Variants in CCDC91 observed in about 807,000 individuals in gnomAD.
The protein encoded by CCDC91 is coiled-coil domain-containing protein 91.
A neutral mutation model predicts 63.2 loss-of-function variants in CCDC91; 48 were observed. That is an observed-to-expected ratio of 0.76 (90% CI 0.60 to 0.97). The LOEUF is 0.97. CCDC91 is among the 50% of genes least tolerant of loss of function. The pLI is 0.00. For missense variants in CCDC91, 500 were observed against 494.6 expected (o/e 1.01, Z -0.10); for synonymous variants, 167 against 165.8 (o/e 1.01, Z -0.06).
chr12:28,497,964 A>G lies in CCDC91; in HGVS notation c.1215+13799A>G, dbSNP rs76784200. Among the ~76,000 whole-genome samples the G allele has an allele frequency of 2.2e-3, 337 of 151,552 alleles. 3 individuals are homozygous for G. Among genetic ancestry groups the G allele is most frequent in the African/African-American group, 7.7e-3 (319 of 41,406 alleles). ...TCACATTTCCCTTTCCTTATGTATC[A>G]TGTGTTGAAAATGAAAATATCTTGT... On this transcript the variant is annotated intron_variant, in intron 12 of 12. Transcript: ENST00000536442.
At chr12:28,446,295 T>C (rs1198053341) in intron 8 of CCDC91, among the ~76,000 whole-genome samples, 1 of 152,208 alleles carries the variant, frequency 6.6e-6, no homozygotes, top group Non-Finnish European at 1.5e-5. Context: ...TTGTGGCTAT[T>C]GTGAAGCTTA....
chr12:28,457,647 G>C (rs575478573), intron 11 of CCDC91, among the ~76,000 whole-genome samples: 2 of 151,682 alleles, frequency 1.3e-5, no homozygotes, highest in African/African-American at 2.4e-5. Context: ...GAGTACCTAA[G>C]GATTGTGGTA....
At chr12:28,413,071 CAAAA>C (rs1205240605) in intron 8 of CCDC91, 1 of 182,024 alleles carries the variant, frequency 5.5e-6, no homozygotes, top group Admixed American at 6.1e-5. Context: ...TCTAGAGACT[CAAAA>C]AAGTCCTTTT....
intron 3 of CCDC91, among the ~76,000 whole-genome samples, chr12:28,275,813 C>T (rs1461098451): frequency 6.6e-6 from 1 of 152,050 alleles, no homozygotes. Flanking sequence ...AAGGCTGTTT[C>T]AACATATGCA....
At chr12:28,192,283 T>C (rs770770696) in intron 1 of CCDC91, among the ~76,000 whole-genome samples, 6 of 152,216 alleles carry the variant, frequency 3.9e-5, no homozygotes, top group Non-Finnish European at 7.3e-5. Flanking sequence ...TGTACTCTTA[T>C]CTATATGTGT....
chr12:28,491,507 G>A (rs1041301662), intron 12 of CCDC91, among the ~76,000 whole-genome samples: 6 of 151,722 alleles, frequency 4.0e-5, no homozygotes, highest in Admixed American at 2.6e-4. Context: ...ATGCATTATG[G>A]TGACAACAAT....
chr12:28,345,752 T>A (rs1250221484), intron 6 of CCDC91, among the ~76,000 whole-genome samples: 2 of 152,252 alleles, frequency 1.3e-5, no homozygotes, highest in East Asian at 3.9e-4. Context: ...AATAACATAC[T>A]TTACAATATT....
At chr12:28,528,879 G>A (rs1941504353) in intron 12 of CCDC91, among the ~76,000 whole-genome samples, 2 of 152,086 alleles carry the variant, frequency 1.3e-5, no homozygotes, top group South Asian at 2.1e-4. Flanking sequence ...CTAGTTAAAT[G>A]AACTATGTTA....
intron 6 of CCDC91, among the ~76,000 whole-genome samples, chr12:28,353,009 G>A (rs1373734000): frequency 2.6e-5 from 4 of 152,186 alleles, no homozygotes; most frequent in African/African-American, 7.2e-5. Context: ...CAGATCTGTT[G>A]TTTAGTGTTG....
intron 3 of CCDC91, chr12:28,302,569 G>A (rs1938192617): frequency 1.2e-6 from 1 of 836,168 alleles, no homozygotes; most frequent in Non-Finnish European, 1.4e-6. Flanking sequence ...CTTTTACCTA[G>A]ACAGTAATAT....
intron 8 of CCDC91, among the ~76,000 whole-genome samples, chr12:28,449,719 A>G (rs1489649191): frequency 3.3e-5 from 5 of 152,002 alleles, no homozygotes; most frequent in Admixed American, 6.6e-5. Context: ...TTTTTTAACA[A>G]TGCCTTACTA....
At chr12:28,349,320 G>A (rs556229391) in intron 6 of CCDC91, among the ~76,000 whole-genome samples, 10 of 152,178 alleles carry the variant, frequency 6.6e-5, no homozygotes, top group South Asian at 4.2e-4. Flanking sequence ...GGAATAGGGC[G>A]CAAAAGGTTG....
At chr12:28,304,375 T>TAAAAAAAAAAAAAAAAAAAAAAAAAA (rs777296414) in intron 3 of CCDC91, among the ~76,000 whole-genome samples, 1 of 73,594 alleles carries the variant, frequency 1.4e-5, no homozygotes, top group African/African-American at 5.9e-5. Context: ...AGACTCCGTC[T>TAAAAAAAAAAAAAAAAAAAAAAAAAA]AAAAAAAAAA....
intron 8 of CCDC91, among the ~76,000 whole-genome samples, chr12:28,442,840 ATGTT>A (rs140976492): frequency 0.016 from 2,470 of 152,080 alleles, 61 homozygotes; most frequent in African/African-American, 0.054. Flanking sequence ...ATGTCAAAGT[ATGTT>A]TGTTTGTTTG....
chr12:28,450,182 C>G lies in CCDC91; in HGVS notation c.784C>G (p.Leu262Val), dbSNP rs763904253. 1 of 1,605,850 alleles carries G rather than the reference C, an allele frequency of 6.2e-7. No homozygotes were observed. Among genetic ancestry groups the G allele is most frequent in the Non-Finnish European group, 8.5e-7 (1 of 1,175,538 alleles). Residue 262 changes from leucine (L) to valine (V), a missense_variant, in exon 9 of 13, where the codon CTA becomes GTA. Coordinates refer to ENST00000536442, the MANE Select transcript of CCDC91 (RefSeq NM_018318.5). ...GTAGCATCAGAGGCTCCTTGAAATG[C>G]TAGATACAGAGAAGGAACTGTTAAA... ...NAQHQRLLEM[L>V]DTEKELLKEK... is the part of the protein sequence containing the mutation.
At chr12:28,196,807 GTCTTT>G (rs2121328220) in intron 1 of CCDC91, among the ~76,000 whole-genome samples, 1 of 152,180 alleles carries the variant, frequency 6.6e-6, no homozygotes, top group Admixed American at 6.5e-5. Context: ...TTTTCTTTCA[GTCTTT>G]TCTTTTGCAA....
rs190697388 is a variant in CCDC91, at chr12:28,464,657, C to T, written c.1101+12003C>T. Among the ~76,000 whole-genome samples, 338 of 152,250 alleles carry T rather than the reference C, an allele frequency of 2.2e-3. 6 individuals are homozygous for T. Among genetic ancestry groups the T allele is most frequent in the African/African-American group, 7.6e-3 (317 of 41,536 alleles). ...TGACAGGATTTATTCCCTGTCAACT[C>T]AAGAGCCTTTGGGCCCTGAATAACC... On this transcript the variant is annotated intron_variant, in intron 11 of 12. Transcript: ENST00000536442.
rs533911387 is a variant in CCDC91, at chr12:28,241,142, G to A, written c.-14-16060G>A. Among the ~76,000 whole-genome samples the A allele has an allele frequency of 2.0e-5, 3 of 152,226 alleles. No individual in the cohort carries two copies. The South Asian group carries it at 6.2e-4, about 32-fold the overall frequency. On this transcript the variant is annotated intron_variant, in intron 1 of 12. Transcript: ENST00000536442. ...TTAATTTCCATTTCTCTAAAGATTGGTGATGTTTAACATCTTTTTATTTGC... is the reference window on the plus strand; with the variant it reads ...TTAATTTCCATTTCTCTAAAGATTGATGATGTTTAACATCTTTTTATTTGC...
chr12:28,219,799 A>G (rs562908677), intron 1 of CCDC91, among the ~76,000 whole-genome samples: 3 of 152,244 alleles, frequency 2.0e-5, no homozygotes, highest in East Asian at 3.9e-4. Context: ...TTAAGTGTAC[A>G]GTTCATCAAA....
Sources: gnomAD v4.1 joint callset for allele counts (sites outside exome capture counted in the v4.1 genomes callset) on GRCh38, gnomAD v4.1.1 for gene constraint, MANE v1.5 for transcripts, NCBI Gene and HGNC (gene_info 2026-07-23, HGNC 2026-07-21) for gene names.